Variants in MCTP1 observed in about 807,000 individuals in gnomAD.
The protein encoded by MCTP1 is multiple C2 and transmembrane domain-containing protein 1.
MCTP1 carries 69 observed loss-of-function variants against 120.6 expected under a neutral mutation model. That is an observed-to-expected ratio of 0.57 (90% CI 0.47 to 0.70). MCTP1 has a LOEUF of 0.70. Ranked by LOEUF, MCTP1 falls within the 30% of genes least tolerant of loss-of-function variation. MCTP1 has a pLI of 0.00. For synonymous variants in MCTP1, 529 were observed against 493.1 expected (o/e 1.07, Z -0.96); for missense variants, 1,203 against 1,248.8 (o/e 0.96, Z 0.55).
intron 3 of MCTP1, among the ~76,000 whole-genome samples, chr5:94,951,624 C>T (rs1820611797): frequency 6.6e-6 from 1 of 152,180 alleles, no homozygotes; most frequent in African/African-American, 2.4e-5. Flanking sequence ...CTCCCCACCC[C>T]AGAAATAATA....
At chr5:94,713,201 C>A (rs1247726502) in intron 20 of MCTP1, among the ~76,000 whole-genome samples, 7 of 152,018 alleles carry the variant, frequency 4.6e-5, no homozygotes, top group South Asian at 2.1e-4. Context: ...TTCCATGTGA[C>A]CCCCAGGAGA....
chr5:94,877,372 T>C (rs1265488202), intron 12 of MCTP1, among the ~76,000 whole-genome samples: 1 of 152,134 alleles, frequency 6.6e-6, no homozygotes, highest in African/African-American at 2.4e-5. Context: ...AGTTAAATAC[T>C]AAGGGCTATT....
At chr5:95,102,203 C>T (rs1305644206) in intron 1 of MCTP1, among the ~76,000 whole-genome samples, 5 of 152,166 alleles carry the variant, frequency 3.3e-5, no homozygotes, top group South Asian at 2.1e-4. Flanking sequence ...GTTGTTAATG[C>T]TCTTGAAAAC....
intron 19 of MCTP1, among the ~76,000 whole-genome samples, chr5:94,724,717 G>A (rs1031403174): frequency 2.6e-5 from 4 of 152,010 alleles, no homozygotes; most frequent in African/African-American, 9.7e-5. Context: ...AGTTACCCAG[G>A]GACCTGTATT....
At chr5:95,112,340 C>G (rs546790845) in intron 1 of MCTP1, among the ~76,000 whole-genome samples, 8 of 152,316 alleles carry the variant, frequency 5.3e-5, no homozygotes, top group African/African-American at 1.9e-4. Flanking sequence ...TTATTAAATA[C>G]TGTGCTTAAA....
chr5:95,061,657 G>C (rs928844648), intron 1 of MCTP1, among the ~76,000 whole-genome samples: 1 of 151,358 alleles, frequency 6.6e-6, no homozygotes, highest in African/African-American at 2.4e-5. Context: ...GGATGGTCTC[G>C]ATCTCCTGAC....
chr5:95,125,972 T>C (rs1001997979), intron 1 of MCTP1, among the ~76,000 whole-genome samples: 3 of 152,222 alleles, frequency 2.0e-5, no homozygotes, highest in African/African-American at 7.2e-5. Flanking sequence ...CACAAAGCTA[T>C]GAAGAAAGAT....
At chr5:95,096,984 A>C (rs1363545572) in intron 1 of MCTP1, among the ~76,000 whole-genome samples, 1 of 152,180 alleles carries the variant, frequency 6.6e-6, no homozygotes, top group African/African-American at 2.4e-5. Context: ...TGATGTTTAA[A>C]TACATTACTC....
chr5:95,009,606 GATA>G (rs1327293941), intron 2 of MCTP1, among the ~76,000 whole-genome samples: 1 of 151,140 alleles, frequency 6.6e-6, no homozygotes, highest in Non-Finnish European at 1.5e-5. Context: ...ATATATAAAA[GATA>G]ATACATTATT....
At chr5:94,816,584 C>T (rs76072602) in intron 17 of MCTP1, among the ~76,000 whole-genome samples, 1 of 151,964 alleles carries the variant, frequency 6.6e-6, no homozygotes, top group Non-Finnish European at 1.5e-5. Context: ...CATTTCTATG[C>T]CCCAGAGGAT....
At chr5:94,749,715 T>C (rs1185577107) in intron 19 of MCTP1, among the ~76,000 whole-genome samples, 1 of 150,724 alleles carries the variant, frequency 6.6e-6, no homozygotes, top group African/African-American at 2.4e-5. Flanking sequence ...TGAGCTACTT[T>C]TCCCAAATTT....
At chr5:95,084,191 A>T (rs1219661803) in intron 1 of MCTP1, among the ~76,000 whole-genome samples, 1 of 152,148 alleles carries the variant, frequency 6.6e-6, no homozygotes, top group Non-Finnish European at 1.5e-5. Flanking sequence ...GTAAAATAAA[A>T]ATGAATTAAT....
At chr5:95,223,157 T>C (rs1006217753) in intron 1 of MCTP1, among the ~76,000 whole-genome samples, 4 of 152,192 alleles carry the variant, frequency 2.6e-5, no homozygotes, top group Admixed American at 2.0e-4. Context: ...AGTTGACATA[T>C]AAAATTAATT....
chr5:94,817,767 T>A (rs2153088903), intron 17 of MCTP1, among the ~76,000 whole-genome samples: 1 of 152,314 alleles, frequency 6.6e-6, no homozygotes, highest in African/African-American at 2.4e-5. Context: ...TCTGAACCAT[T>A]ATTGGTTTAC....
intron 19 of MCTP1, among the ~76,000 whole-genome samples, chr5:94,775,151 A>G (rs1775016083): frequency 6.6e-6 from 1 of 152,224 alleles, no homozygotes; most frequent in Admixed American, 6.5e-5. Flanking sequence ...GGCTGAAGAA[A>G]AAGGAGAAGC....
At chr5:95,251,732 T>C (rs1757402259) in intron 1 of MCTP1, among the ~76,000 whole-genome samples, 1 of 152,166 alleles carries the variant, frequency 6.6e-6, no homozygotes, top group African/African-American at 2.4e-5. Flanking sequence ...CTTACTATTA[T>C]AGTACCTGGC....
At chr5:95,268,379 A>T (rs1171098821) in intron 1 of MCTP1, among the ~76,000 whole-genome samples, 2 of 152,210 alleles carry the variant, frequency 1.3e-5, no homozygotes, top group South Asian at 4.1e-4. Context: ...ATTATATAGA[A>T]CATTTTAACT....
chr5:95,230,836 C>T (rs1172767589), intron 1 of MCTP1, among the ~76,000 whole-genome samples: 1 of 151,956 alleles, frequency 6.6e-6, no homozygotes, highest in Non-Finnish European at 1.5e-5. Context: ...CCCCACACAC[C>T]TTTTTTTTAA....
intron 17 of MCTP1, among the ~76,000 whole-genome samples, chr5:94,839,991 C>T (rs1790647791): frequency 6.6e-6 from 1 of 152,138 alleles, no homozygotes; most frequent in Admixed American, 6.5e-5. Flanking sequence ...ATTATGTCCT[C>T]TGGTGATAAT....
Sources: allele counts gnomAD v4.1 joint callset (sites outside exome capture counted in the v4.1 genomes callset), GRCh38; gene constraint gnomAD v4.1.1; transcripts MANE v1.5; gene names NCBI Gene and HGNC (gene_info 2026-07-23, HGNC 2026-07-21).